TMEM117: variants seen among roughly 807,000 people sequenced by gnomAD.
TMEM117 encodes the protein transmembrane protein 117.
In TMEM117, 27 loss-of-function variants were observed where a neutral mutation model predicts 52.4. The ratio of observed to expected loss-of-function variants is 0.51; its 90% CI spans 0.38 to 0.71. TMEM117 has a LOEUF of 0.71. TMEM117 is among the 30% of genes least tolerant of loss of function. TMEM117 has a pLI of 0.00. For missense variants in TMEM117, 556 were observed against 630.5 expected (o/e 0.88, Z 1.26); for synonymous variants, 215 against 206.3 (o/e 1.04, Z -0.36).
At chr12:43,806,361 G>T in the TMEM117 span, 1 of 1,244,202 alleles carries the variant, frequency 8.0e-7, no homozygotes, top group African/African-American at 1.6e-5. Flanking sequence ...CCCGCGACCC[G>T]CGGCCGCCCC....
chr12:43,860,488 G>A (rs941254555), intron 2 of TMEM117, among the ~76,000 whole-genome samples: 3 of 152,108 alleles, frequency 2.0e-5, no homozygotes, highest in African/African-American at 7.2e-5. Context: ...AATAAAGCAG[G>A]GAGAGTCTAG....
At chr12:43,989,120 C>A (rs1223882677) in intron 3 of TMEM117, among the ~76,000 whole-genome samples, 1 of 152,098 alleles carries the variant, frequency 6.6e-6, no homozygotes, top group Admixed American at 6.6e-5. Flanking sequence ...ACTGACTCTT[C>A]TCCAAGTGCT....
intron 5 of TMEM117, among the ~76,000 whole-genome samples, chr12:44,225,061 AATGCTGC>A (rs1445970405): frequency 2.6e-5 from 4 of 152,162 alleles, no homozygotes; most frequent in Admixed American, 6.6e-5. Flanking sequence ...AGAATCACTG[AATGCTGC>A]ATTTTCTTGA....
chr12:44,290,673 T>A (rs1704058912), intron 5 of TMEM117, among the ~76,000 whole-genome samples: 1 of 152,186 alleles, frequency 6.6e-6, no homozygotes, highest in South Asian at 2.1e-4. Context: ...TGTCTCTCTT[T>A]GTCACCTGGG....
chr12:43,835,069 T>C (rs4768048), upstream of TMEM117, among the ~76,000 whole-genome samples: 101,941 of 152,090 alleles, frequency 0.67, 35,353 homozygotes, highest in East Asian at 0.97. Flanking sequence ...TTTGATTATA[T>C]ACACTAGTGA....
chr12:43,889,844 C>T (rs1235298777), intron 2 of TMEM117, among the ~76,000 whole-genome samples: 1 of 152,030 alleles, frequency 6.6e-6, no homozygotes, highest in African/African-American at 2.4e-5. Context: ...GAAGGAGGTG[C>T]AGGAAGTTCA....
intron 3 of TMEM117, among the ~76,000 whole-genome samples, chr12:44,134,222 T>C (rs1367153965): frequency 2.6e-5 from 4 of 152,176 alleles, no homozygotes; most frequent in Admixed American, 6.5e-5. Flanking sequence ...GTTTTTGTTT[T>C]TGTGTTTTTG....
At chr12:44,008,760 T>C in intron 3 of TMEM117, 1 of 424,782 alleles carries the variant, frequency 2.4e-6, no homozygotes, top group Non-Finnish European at 4.7e-6. Context: ...TGGTGTTTAA[T>C]AAGGTGGAAG....
intron 3 of TMEM117, among the ~76,000 whole-genome samples, chr12:44,085,022 T>G (rs1252421260): frequency 6.6e-6 from 1 of 152,178 alleles, no homozygotes; most frequent in Admixed American, 6.5e-5. Flanking sequence ...ACCTGATATA[T>G]AGGAAGTTTT....
rs192494972 is a variant in TMEM117, at chr12:43,872,920, C to A, written c.277+27992C>A. Among the ~76,000 whole-genome samples the A allele has an allele frequency of 1.5e-3, 223 of 152,052 alleles. 1 individual carries two copies. The highest frequency in any genetic ancestry group is 1.9e-3 in the Non-Finnish European group (130 of 67,964). On this transcript the variant is annotated intron_variant, in intron 2 of 7. Coordinates refer to ENST00000266534, the MANE Select transcript of TMEM117 (RefSeq NM_032256.3). ...GAGAGAAAGATAAAAAATGATGATG[C>A]AAATGAGATGTTTTATAGCACTGGA... is the stretch of plus-strand genomic sequence containing the variant.
chr12:43,834,079 T>G (rs1219309713), upstream of TMEM117, among the ~76,000 whole-genome samples: 1 of 152,204 alleles, frequency 6.6e-6, no homozygotes, highest in East Asian at 1.9e-4. Flanking sequence ...GGGTACAGAG[T>G]GAGACTCTGT....
At chr12:44,146,240 A>G (rs943248412) in intron 4 of TMEM117, among the ~76,000 whole-genome samples, 2 of 152,172 alleles carry the variant, frequency 1.3e-5, no homozygotes, top group African/African-American at 4.8e-5. Flanking sequence ...GTCTCCTTTC[A>G]AGGTCTGGCT....
intron 6 of TMEM117, among the ~76,000 whole-genome samples, chr12:44,353,221 G>A (rs1951592122): frequency 6.6e-6 from 1 of 151,766 alleles, no homozygotes; most frequent in Non-Finnish European, 1.5e-5. Context: ...AGTAGGTTGT[G>A]AAAATTTTCT....
intron 1 of TMEM117, among the ~76,000 whole-genome samples, chr12:43,843,942 A>T (rs897716259): frequency 6.6e-6 from 1 of 152,274 alleles, no homozygotes; most frequent in African/African-American, 2.4e-5. Flanking sequence ...ATAAGCAATC[A>T]TAACTCTGAG....
At chr12:44,056,764 GTCTC>G (rs1160307912) in intron 3 of TMEM117, among the ~76,000 whole-genome samples, 2 of 151,906 alleles carry the variant, frequency 1.3e-5, no homozygotes, top group Admixed American at 6.6e-5. Flanking sequence ...CTCTCTCTCT[GTCTC>G]TCTGTCTTTC....
chr12:43,934,216 G>A (rs999711937), intron 2 of TMEM117, among the ~76,000 whole-genome samples: 1 of 152,010 alleles, frequency 6.6e-6, no homozygotes, highest in African/African-American at 2.4e-5. Context: ...TATTAATATA[G>A]CATTCTTTTT....
At chr12:44,181,519 T>C (rs1949198568) in intron 4 of TMEM117, among the ~76,000 whole-genome samples, 1 of 150,712 alleles carries the variant, frequency 6.6e-6, no homozygotes, top group African/African-American at 2.4e-5. Context: ...CCATCTTGAA[T>C]TGATTTTTGT....
chr12:44,224,469 GA>G (rs1287872144), intron 5 of TMEM117, among the ~76,000 whole-genome samples: 1 of 133,424 alleles, frequency 7.5e-6, no homozygotes, highest in Non-Finnish European at 1.5e-5. Context: ...GATGAGTAAT[GA>G]TTTTTTTTTT....
At chr12:44,208,606 G>C (rs1220967818) in intron 4 of TMEM117, among the ~76,000 whole-genome samples, 2 of 151,650 alleles carry the variant, frequency 1.3e-5, no homozygotes, top group East Asian at 3.9e-4. Flanking sequence ...TTTAATGACT[G>C]TCTCTGCTTC....
Sources: gnomAD v4.1 joint callset for allele counts (sites outside exome capture counted in the v4.1 genomes callset) on GRCh38, gnomAD v4.1.1 for gene constraint, MANE v1.5 for transcripts, NCBI Gene and HGNC (gene_info 2026-07-23, HGNC 2026-07-21) for gene names.